Variants in EXOC6B observed in about 807,000 individuals in gnomAD.
EXOC6B encodes exocyst complex component 6B, also known as SEC15 homolog B.
In EXOC6B, 54 loss-of-function variants were observed where a neutral mutation model predicts 113.5. The ratio of observed to expected loss-of-function variants is 0.48; its 90% CI spans 0.38 to 0.60. EXOC6B has a LOEUF of 0.60. Ranked by LOEUF, EXOC6B falls within the 20% of genes least tolerant of loss-of-function variation. EXOC6B has a pLI of 0.00. For missense variants in EXOC6B, 797 were observed against 977.5 expected, an observed-to-expected ratio of 0.82 and a Z score of 2.46; for synonymous variants, 357 against 339.0, an observed-to-expected ratio of 1.05 and a Z score of -0.58.
At chr2:72,278,031 A>C (rs1476838581) in intron 20 of EXOC6B, among the ~76,000 whole-genome samples, 1 of 152,178 alleles carries the variant, frequency 6.6e-6, no homozygotes, top group African/African-American at 2.4e-5. Flanking sequence ...TGGCCTGTTT[A>C]TACGTTCTTC....
intron 11 of EXOC6B, among the ~76,000 whole-genome samples, chr2:72,509,515 T>A (rs1700782337): frequency 2.0e-5 from 3 of 152,204 alleles, no homozygotes; most frequent in Middle Eastern, 3.4e-3. Context: ...TAAACACATA[T>A]GCTTTGTAAT....
intron 1 of EXOC6B, among the ~76,000 whole-genome samples, chr2:72,767,308 G>A (rs1269954145): frequency 1.3e-5 from 2 of 151,994 alleles, no homozygotes; most frequent in Non-Finnish European, 2.9e-5. Context: ...CCGGGCGCCT[G>A]TAATCCTAGC....
chr2:72,433,902 T>C (rs2105307570), intron 18 of EXOC6B, among the ~76,000 whole-genome samples: 1 of 152,312 alleles, frequency 6.6e-6, no homozygotes, highest in East Asian at 1.9e-4. Flanking sequence ...TATTTCTTTC[T>C]CCTGCCTGAT....
chr2:72,628,877 A>G (rs1672222400), intron 6 of EXOC6B, among the ~76,000 whole-genome samples: 1 of 152,178 alleles, frequency 6.6e-6, no homozygotes, highest in Non-Finnish European at 1.5e-5. Flanking sequence ...AAGTACATAT[A>G]TATACTTAAG....
intron 7 of EXOC6B, among the ~76,000 whole-genome samples, chr2:72,571,465 C>T (rs576007157): frequency 1.3e-5 from 2 of 152,028 alleles, no homozygotes; most frequent in East Asian, 3.9e-4. Flanking sequence ...ATAGTCCAAC[C>T]TTAATATATG....
chr2:72,634,296 GA>G (rs1333439869), intron 6 of EXOC6B, among the ~76,000 whole-genome samples: 12 of 152,126 alleles, frequency 7.9e-5, no homozygotes, highest in Non-Finnish European at 1.8e-4. Flanking sequence ...AAATGCTAAT[GA>G]AAAAACAGAC....
At chr2:72,507,894 G>A (rs187025628) in intron 11 of EXOC6B, among the ~76,000 whole-genome samples, 237 of 149,120 alleles carry the variant, frequency 1.6e-3, no homozygotes, top group African/African-American at 5.1e-3. Context: ...TTTGTACTGC[G>A]AGATTTAGAG....
intron 16 of EXOC6B, among the ~76,000 whole-genome samples, chr2:72,482,654 C>G (rs1421174706): frequency 6.6e-6 from 1 of 152,136 alleles, no homozygotes; most frequent in Admixed American, 6.5e-5. Context: ...GGATATTAAA[C>G]AAAAATACAA....
At chr2:72,791,763 C>A (rs970758558) in intron 1 of EXOC6B, among the ~76,000 whole-genome samples, 1 of 152,152 alleles carries the variant, frequency 6.6e-6, no homozygotes, top group Non-Finnish European at 1.5e-5. Context: ...TCTTTTTAAA[C>A]CTTCAAGTAA....
At chr2:72,432,280 C>T (rs1366967493) in intron 18 of EXOC6B, among the ~76,000 whole-genome samples, 1 of 152,148 alleles carries the variant, frequency 6.6e-6, no homozygotes, top group East Asian at 1.9e-4. Context: ...AGGTGATCCA[C>T]CCACCTCAGC....
intron 19 of EXOC6B, among the ~76,000 whole-genome samples, chr2:72,349,117 A>G (rs1331300599): frequency 1.3e-5 from 2 of 152,192 alleles, no homozygotes; most frequent in African/African-American, 4.8e-5. Flanking sequence ...CAAACATGTA[A>G]GTTCTCAGTG....
At chr2:72,636,361 G>C (rs1029267448) in intron 6 of EXOC6B, among the ~76,000 whole-genome samples, 28 of 128,534 alleles carry the variant, frequency 2.2e-4, no homozygotes, top group African/African-American at 9.4e-4. Flanking sequence ...AGGAAGGAAG[G>C]AAGGAAGGAA....
chr2:72,246,625 A>T (rs1488912156), intron 20 of EXOC6B, among the ~76,000 whole-genome samples: 1 of 149,540 alleles, frequency 6.7e-6, no homozygotes, highest in African/African-American at 2.5e-5. Flanking sequence ...CTCCTGCCTC[A>T]TCCTCCCGAG....
intron 1 of EXOC6B, among the ~76,000 whole-genome samples, chr2:72,746,906 G>A (rs1681734965): frequency 6.6e-6 from 1 of 152,012 alleles, no homozygotes; most frequent in Non-Finnish European, 1.5e-5. Flanking sequence ...GGAAGACAAA[G>A]CTCTCATTGT....
chr2:72,776,010 T>C (rs914599164), intron 1 of EXOC6B, among the ~76,000 whole-genome samples: 1 of 152,140 alleles, frequency 6.6e-6, no homozygotes, highest in African/African-American at 2.4e-5. Flanking sequence ...GGGAATTAAG[T>C]AAAGGGTACA....
intron 20 of EXOC6B, among the ~76,000 whole-genome samples, chr2:72,305,364 A>T (rs148673010): frequency 6.0e-4 from 91 of 151,462 alleles, no homozygotes; most frequent in African/African-American, 2.1e-3. Context: ...GTATATGTAT[A>T]TGTATATGTG....
chr2:72,539,691 G>C (rs1378559509), intron 8 of EXOC6B, among the ~76,000 whole-genome samples: 1 of 152,062 alleles, frequency 6.6e-6, no homozygotes, highest in Non-Finnish European at 1.5e-5. Context: ...GTATAAAAGA[G>C]CTTCAAAATT....
intron 19 of EXOC6B, among the ~76,000 whole-genome samples, chr2:72,355,934 C>T (rs1689948548): frequency 6.6e-6 from 1 of 152,124 alleles, no homozygotes; most frequent in South Asian, 2.1e-4. Context: ...TCTCTTTAAA[C>T]CTTACATTCT....
At chr2:72,481,097 G>A (rs1699063280) in intron 16 of EXOC6B, among the ~76,000 whole-genome samples, 1 of 152,138 alleles carries the variant, frequency 6.6e-6, no homozygotes, top group Non-Finnish European at 1.5e-5. Context: ...GGTTTTATAA[G>A]GGGCTCTTCC....
Sources: allele counts gnomAD v4.1 joint callset (sites outside exome capture counted in the v4.1 genomes callset), GRCh38; gene constraint gnomAD v4.1.1; transcripts MANE v1.5; gene names NCBI Gene and HGNC (gene_info 2026-07-23, HGNC 2026-07-21).